Variants in SIPA1L1 observed in about 807,000 individuals in gnomAD.
The protein encoded by SIPA1L1 is signal-induced proliferation-associated 1-like protein 1.
SIPA1L1 carries 26 observed loss-of-function variants against 162.7 expected under a neutral mutation model. The ratio of observed to expected loss-of-function variants is 0.16; its 90% confidence interval spans 0.12 to 0.22. The LOEUF (loss-of-function observed/expected upper bound fraction) is 0.22. Ranked by LOEUF, SIPA1L1 falls within the 10% of genes least tolerant of loss-of-function variation. The probability of loss-of-function intolerance (pLI) is 1.00; values close to 1 mark genes in which losing one functional copy is unlikely to be tolerated. For missense variants in SIPA1L1, 1,874 were observed against 2,241.0 expected (o/e 0.84, Z 3.31); for synonymous variants, 829 against 837.4 (o/e 0.99, Z 0.17).
At chr14:71,551,570 G>C (rs2055835389) in intron 4 of SIPA1L1, among the ~76,000 whole-genome samples, 1 of 152,162 alleles carries the variant, frequency 6.6e-6, no homozygotes, top group African/African-American at 2.4e-5. Context: ...CTGCTTCTCT[G>C]CATCTCTGCT....
At chr14:71,350,921 A>G (rs2036637449) in intron 2 of SIPA1L1, among the ~76,000 whole-genome samples, 1 of 152,204 alleles carries the variant, frequency 6.6e-6, no homozygotes, top group African/African-American at 2.4e-5. Flanking sequence ...AGTAGATTTG[A>G]TGGATCTGCA....
At chr14:71,683,017 G>T (rs2045947043) in intron 12 of SIPA1L1, among the ~76,000 whole-genome samples, 1 of 152,134 alleles carries the variant, frequency 6.6e-6, no homozygotes, top group Non-Finnish European at 1.5e-5. Context: ...AGCTGAGCGT[G>T]GCAGTGCACA....
intron 2 of SIPA1L1, among the ~76,000 whole-genome samples, chr14:71,451,515 G>A (rs2045819602): frequency 6.6e-6 from 1 of 151,434 alleles, no homozygotes; most frequent in Admixed American, 6.6e-5. Flanking sequence ...CATGCCTGTA[G>A]TCCCAGCTAC....
intron 2 of SIPA1L1, among the ~76,000 whole-genome samples, chr14:71,480,470 A>G (rs1316438130): frequency 1.3e-5 from 2 of 150,242 alleles, no homozygotes; most frequent in Non-Finnish European, 3.0e-5. Context: ...AAAAAAAAAA[A>G]GAAGAAGTCA....
At chr14:71,323,921 A>C (rs1174155694) in intron 2 of SIPA1L1, among the ~76,000 whole-genome samples, 1 of 152,184 alleles carries the variant, frequency 6.6e-6, no homozygotes, top group African/African-American at 2.4e-5. Context: ...GGTTATACAT[A>C]ATAGGCAATT....
chr14:71,482,071 A>G (rs1400026808), intron 2 of SIPA1L1, among the ~76,000 whole-genome samples: 3 of 152,160 alleles, frequency 2.0e-5, no homozygotes, highest in Admixed American at 6.5e-5. Context: ...CTTAAGACTA[A>G]TGAGACCATT....
At chr14:71,409,106 CT>C (rs1176749584) in intron 2 of SIPA1L1, among the ~76,000 whole-genome samples, 1 of 152,204 alleles carries the variant, frequency 6.6e-6, no homozygotes, top group Admixed American at 6.5e-5. Context: ...GTTCAACATT[CT>C]GTTGCTTTTT....
chr14:71,633,147 GTTA>G, intron 7 of SIPA1L1, among the ~76,000 whole-genome samples: 1 of 142,086 alleles, frequency 7.0e-6, no homozygotes, highest in Non-Finnish European at 1.5e-5. Flanking sequence ...GTTATGTTAT[GTTA>G]TGTTATGTTC....
At chr14:71,409,533 T>A (rs1595301663) in intron 2 of SIPA1L1, among the ~76,000 whole-genome samples, 1 of 152,258 alleles carries the variant, frequency 6.6e-6, no homozygotes, top group East Asian at 1.9e-4. Context: ...AAAACTAGGT[T>A]TCACCTTTAG....
intron 3 of SIPA1L1, among the ~76,000 whole-genome samples, chr14:71,525,301 G>A (rs2052752359): frequency 1.3e-5 from 2 of 151,862 alleles, no homozygotes; most frequent in Non-Finnish European, 2.9e-5. Context: ...TCCTGCCTCA[G>A]CCCCCTGAGT....
chr14:71,563,534 A>G (rs964397088), intron 4 of SIPA1L1, among the ~76,000 whole-genome samples: 4 of 152,234 alleles, frequency 2.6e-5, no homozygotes, highest in East Asian at 3.8e-4. Context: ...TTTATTGGAC[A>G]TGACATTTCC....
chr14:71,733,311 C>A (rs1407852266), intron 20 of SIPA1L1, among the ~76,000 whole-genome samples: 3 of 152,218 alleles, frequency 2.0e-5, no homozygotes, highest in Admixed American at 6.5e-5. Context: ...CCTCTTCTTC[C>A]TGGCCCAAAT....
intron 8 of SIPA1L1, among the ~76,000 whole-genome samples, chr14:71,652,626 TC>T (rs1383661655): frequency 1.5e-5 from 2 of 132,802 alleles, no homozygotes; most frequent in Non-Finnish European, 3.2e-5. Context: ...AGGCCCTGGT[TC>T]TTTTTTTTTT....
intron 2 of SIPA1L1, among the ~76,000 whole-genome samples, chr14:71,329,904 G>T (rs1284503434): frequency 6.6e-6 from 1 of 152,152 alleles, no homozygotes; most frequent in East Asian, 1.9e-4. Context: ...AGGAGGAAGG[G>T]GTGAAAACAG....
At chr14:71,495,280 A>G (rs1277888231) in intron 2 of SIPA1L1, among the ~76,000 whole-genome samples, 1 of 151,966 alleles carries the variant, frequency 6.6e-6, no homozygotes, top group African/African-American at 2.4e-5. Context: ...AAGATTTTTA[A>G]TTAGTAATTC....
intron 5 of SIPA1L1, among the ~76,000 whole-genome samples, chr14:71,617,528 TAGAG>T (rs887616078): frequency 4.6e-5 from 7 of 152,362 alleles, no homozygotes; most frequent in African/African-American, 1.7e-4. Flanking sequence ...ATAATAGTCT[TAGAG>T]AGCCCTCAAC....
intron 2 of SIPA1L1, among the ~76,000 whole-genome samples, chr14:71,499,519 T>C (rs1278389986): frequency 6.6e-6 from 1 of 152,234 alleles, no homozygotes; most frequent in South Asian, 2.1e-4. Context: ...AAGGAATATG[T>C]AATTGTATCA....
chr14:71,650,037 T>C (rs2042491823), intron 7 of SIPA1L1, among the ~76,000 whole-genome samples: 1 of 152,228 alleles, frequency 6.6e-6, no homozygotes, highest in Non-Finnish European at 1.5e-5. Flanking sequence ...AACCTCATTT[T>C]GTACTTTGTA....
chr14:71,738,042 G>A (rs1261455202), intron 22 of SIPA1L1, among the ~76,000 whole-genome samples, 199 bp from the exon 23 acceptor site: 1 of 151,446 alleles, frequency 6.6e-6, no homozygotes, highest in Non-Finnish European at 1.5e-5. Flanking sequence ...TGCAGTTCAA[G>A]CTTTTATTAC....
Sources: allele counts gnomAD v4.1 joint callset (sites outside exome capture counted in the v4.1 genomes callset), GRCh38; gene constraint gnomAD v4.1.1; transcripts MANE v1.5; gene names NCBI Gene and HGNC (gene_info 2026-07-23, HGNC 2026-07-21).